The following GRK2 variants were observed in gnomAD, a reference collection of about 807,000 sequenced individuals.
The protein encoded by GRK2 is G protein-coupled receptor kinase 2.
A neutral mutation model predicts 97.8 loss-of-function variants in GRK2; 23 were observed. That is an observed-to-expected ratio of 0.24 (90% CI 0.17 to 0.33). GRK2 has a LOEUF of 0.33. Among genes scored for constraint, GRK2 ranks in the 10% least tolerant of loss-of-function variants. The pLI is 1.00. For synonymous variants in GRK2, 425 were observed against 381.7 expected (o/e 1.11, Z -1.32); for missense variants, 633 against 956.9 (o/e 0.66, Z 4.47).
chr11:67,281,935 G>A lies in GRK2; in HGVS notation c.940G>A (p.Val314Ile), dbSNP rs763883122. ...GLEHMHNRFV[V>I]YRDLKPANIL... is the part of the protein sequence containing the mutation. Reference sequence around the variant, plus strand: ...GGAGCACATGCACAACCGCTTCGTGGTCTACCGGGACCTGAAGGTGAGCGC... The same window carrying A: ...GGAGCACATGCACAACCGCTTCGTGATCTACCGGGACCTGAAGGTGAGCGC... Residue 314 changes from valine (V) to isoleucine (I), a missense_variant, in exon 11 of 21, where the codon GTC (valine) becomes ATC (isoleucine). Around this residue, in one of 4 missense-constraint regions of GRK2, gnomAD observed 192 missense variants for 362.3 expected, o/e 0.53. Coordinates refer to ENST00000308595, the MANE Select transcript of GRK2 (RefSeq NM_001619.5). This position sits in a 1 kb window ranked among gnomAD's most constrained non-coding sequence, Gnocchi z 5.7. The A allele has an allele frequency of 6.2e-7, 1 of 1,613,196 alleles. No individual in the cohort carries two copies. Among genetic ancestry groups the A allele is most frequent in the Non-Finnish European group, 8.5e-7 (1 of 1,179,934 alleles).
In GRK2 at chr11:67,281,308, C is replaced by G. The variant is rs1258386635; in HGVS notation, c.647+124C>G. ...GCACTCCTGTCTTGCCGTGCTGTTA[C>G]CCCCGCAGGCTCCTCTGGCCCCAGC... On this transcript the variant is annotated intron_variant, in intron 8 of 20. Transcript: ENST00000308595. The surrounding 1 kb of genome is among the most constrained non-coding windows in gnomAD (Gnocchi z 5.7). 2.8e-6 allele frequency: 3 copies of G among 1,069,946 alleles called. No homozygotes were observed. The highest frequency in any genetic ancestry group is 3.1e-5 in the African/African-American group (2 of 63,838). 66.3% of individuals were successfully genotyped at this position (1,069,946 alleles called of 1,614,324 possible).
rs1565063000 is a variant in GRK2, at chr11:67,272,979, G to A, written c.114-4293G>A. Among the ~76,000 whole-genome samples, 4 of 152,250 alleles carry A rather than the reference G, an allele frequency of 2.6e-5. 1 individual carries two copies. On this transcript the variant is annotated intron_variant, in intron 1 of 20. Transcript: ENST00000308595. ...GACTGTCGGTGAGCCGTGGGGCACT[G>A]AGAAATGGGGCTCTGGCGGCTCTCT...
At chr11:67,283,622 C>A (rs1860202418) in intron 15 of GRK2, 85 bp from the exon 16 acceptor site, 6 of 1,393,508 alleles carry the variant, frequency 4.3e-6, no homozygotes, top group Non-Finnish European at 6.0e-6. Context: ...TGCCCAAGTT[C>A]ACAGAGCCAG....
intron 15 of GRK2, 195 bp downstream of exon 15, chr11:67,283,423 G>A: frequency 3.2e-6 from 2 of 618,984 alleles, no homozygotes; most frequent in Middle Eastern, 4.3e-4. Context: ...GAACCAGCTA[G>A]TAACTGGCTT....
intron 1 of GRK2, 124 bp from the exon 2 acceptor site, chr11:67,277,148 A>G: frequency 2.4e-6 from 2 of 846,860 alleles, no homozygotes; most frequent in Non-Finnish European, 3.8e-6. Context: ...AGTAGGCCTG[A>G]CGGGCTGGCC....
rs1860270609 is a variant in GRK2, at chr11:67,285,922, G to A, written c.*472G>A. 1 of 222,702 alleles carries A rather than the reference G, an allele frequency of 4.5e-6. No individual in the cohort carries two copies. Among genetic ancestry groups the A allele is most frequent in the Non-Finnish European group, 8.9e-6 (1 of 112,438 alleles). 13.8% of individuals were successfully genotyped at this position (222,702 alleles called of 1,614,324 possible). ...CTGCTCCACAGTGTTGGCGAGAGGAGGGGCCCGTTGTCTCCCTGGCCCTCA... is the reference window on the plus strand; with the variant it reads ...CTGCTCCACAGTGTTGGCGAGAGGAAGGGCCCGTTGTCTCCCTGGCCCTCA... On this transcript the variant is annotated 3_prime_UTR_variant, in exon 21 of 21. Coordinates refer to ENST00000308595, the MANE Select transcript of GRK2 (RefSeq NM_001619.5).
chr11:67,279,323 G>T, intron 3 of GRK2, 50 bp downstream of exon 3: 1 of 1,610,544 alleles, frequency 6.2e-7, no homozygotes, highest in East Asian at 2.2e-5. Context: ...AGGGGAGGAG[G>T]TTGGGGCGGC....
rs1590848179 is a variant in GRK2, at chr11:67,274,524, C to CTTTTTTTTTTTTTTTTT, written c.114-2741_114-2740insTTTTTTTTTTTTTTTTT. ...TTTTTTTTTTTTTTTTTTTTTTTTG[C>CTTTTTTTTTTTTTTTTT]TTTTTTTCATCCCCTTCTGTGGACC... On this transcript the variant is annotated intron_variant, in intron 1 of 20. Coordinates refer to ENST00000308595, the MANE Select transcript of GRK2 (RefSeq NM_001619.5). Among the ~76,000 whole-genome samples, 469 of 54,934 alleles carry CTTTTTTTTTTTTTTTTT rather than the reference C, an allele frequency of 8.5e-3. 1 individual carries two copies. The highest frequency in any genetic ancestry group is 0.011 in the South Asian group (16 of 1,464). 36.0% of individuals were successfully genotyped at this position (54,934 alleles called of 152,430 possible). A position where few individuals can be genotyped will look rare whatever the true frequency, so the allele number is the denominator to read the frequency against.
At position 67,282,080 on chromosome 11, in the gene GRK2, G is replaced by C; in HGVS notation, c.957+128G>C. 1 of 1,333,570 alleles carries C rather than the reference G, an allele frequency of 7.5e-7. No homozygotes were observed. The highest frequency in any genetic ancestry group is 1.0e-6 in the Non-Finnish European group (1 of 967,590). The allele number at this position is 1,333,570 out of a possible 1,614,324, so 82.6% of individuals were successfully genotyped here. ...GGCCGCCCCGTATCTTCCCATCTCCGCCCCTGCCCTTCCCACCGAGCCACT... is the reference window on the plus strand; with the variant it reads ...GGCCGCCCCGTATCTTCCCATCTCCCCCCCTGCCCTTCCCACCGAGCCACT... On this transcript the variant is annotated intron_variant, in intron 11 of 20. Transcript: ENST00000308595. The surrounding 1 kb of genome is among the most constrained non-coding windows in gnomAD (Gnocchi z 6.9).
At position 67,274,495 on chromosome 11, in the gene GRK2, C is replaced by CTTTTTTTTTTTTTT. The variant is rs57767154; in HGVS notation, c.114-2763_114-2750dup. Among the ~76,000 whole-genome samples the CTTTTTTTTTTTTTT allele has an allele frequency of 2.1e-3, 47 of 22,476 alleles. 5 individuals are homozygous for CTTTTTTTTTTTTTT. The highest frequency in any genetic ancestry group is 8.1e-3 in the East Asian group (3 of 372). 14.7% of individuals were successfully genotyped at this position (22,476 alleles called of 152,430 possible). A position where few individuals can be genotyped will look rare whatever the true frequency, so the allele number is the denominator to read the frequency against. On this transcript the variant is annotated intron_variant, in intron 1 of 20. Coordinates refer to ENST00000308595, the MANE Select transcript of GRK2 (RefSeq NM_001619.5). ...TCGCTACCTTCCGCTTGACCAGCAC[C>CTTTTTTTTTTTTTT]TTTTTTTTTTTTTTTTTTTTTTTTT...
At chr11:67,279,167 C>T (rs755125906) in intron 2 of GRK2, 33 bp from the exon 3 acceptor site, 12 of 1,582,292 alleles carry the variant, frequency 7.6e-6, no homozygotes, top group Non-Finnish European at 9.5e-6. Flanking sequence ...CTGAGAGAGG[C>T]GTGGCTCTGT....
At position 67,269,044 on chromosome 11, in the gene GRK2, G is replaced by A. The variant is rs1177660553; in HGVS notation, c.113+2232G>A. ...TGTGAAACGGACTGGAGGTGCGAGC[G>A]CCGAATGTCAGTGCGCTAAGGCCTG... On this transcript the variant is annotated intron_variant, in intron 1 of 20. Transcript: ENST00000308595. This position sits in a 1 kb window ranked among gnomAD's most constrained non-coding sequence, Gnocchi z 4.1. Among the ~76,000 whole-genome samples, 1 of 152,232 alleles carries A rather than the reference G, an allele frequency of 6.6e-6. No individual in the cohort carries two copies. The highest frequency in any genetic ancestry group is 2.1e-4 in the South Asian group (1 of 4,834).
At position 67,285,107 on chromosome 11, in the gene GRK2, G is replaced by A. The variant is rs771260280; in HGVS notation, c.1824G>A (p.Ser608=). The A allele has an allele frequency of 5.6e-6, 9 of 1,613,528 alleles. No homozygotes were observed. The highest frequency in any genetic ancestry group is 3.3e-4 in the Middle Eastern group (2 of 6,062). ...TGCTGACCATGGAGGAGATCCAGTCGGTGGAGGAGACGCAGATCAAGGAGC... is the reference window on the plus strand; with the variant it reads ...TGCTGACCATGGAGGAGATCCAGTCAGTGGAGGAGACGCAGATCAAGGAGC... ...QSLLTMEEIQ[S]VEETQIKERK... The change falls in exon 20 of 21, where the codon TCG becomes TCA. Residue 608 remains serine (S), a synonymous_variant. Transcript: ENST00000308595.
At chr11:67,277,648 C>T (rs965754429) in intron 2 of GRK2, among the ~76,000 whole-genome samples, 1 of 152,206 alleles carries the variant, frequency 6.6e-6, no homozygotes, top group South Asian at 2.1e-4. Flanking sequence ...TTGGCGCGGC[C>T]GCAGCTGCTC....
In GRK2 at chr11:67,276,090, C is replaced by A. The variant is rs149033514; in HGVS notation, c.114-1182C>A. Among the ~76,000 whole-genome samples, 1 of 152,190 alleles carries A rather than the reference C, an allele frequency of 6.6e-6. No individual in the cohort carries two copies. The highest frequency in any genetic ancestry group is 1.9e-4 in the East Asian group (1 of 5,194). On this transcript the variant is annotated intron_variant, in intron 1 of 20. Transcript: ENST00000308595. This position sits in a 1 kb window ranked among gnomAD's most constrained non-coding sequence, Gnocchi z 4.2. The stretch of plus-strand genomic sequence containing the variant: ...GGCAAGCACAGAGAACCTGGACTTG[C>A]GGATCCAAATCTCCACCAGCTGCAG...
Position 67,285,298 on chromosome 11 carries a change from C to G in GRK2, c.1918C>G (p.Leu640Val). ...FILQCDSDPE[L>V]VQWKKELRDA... is the part of the protein sequence containing the mutation. Reference sequence around the variant, plus strand: ...TTGGCATGTGCAGAGCGACCCTGAGCTGGTGCAGTGGAAGAAGGAGCTGCG... The same window carrying G: ...TTGGCATGTGCAGAGCGACCCTGAGGTGGTGCAGTGGAAGAAGGAGCTGCG... Residue 640 changes from leucine (L) to valine (V), a missense_variant, in exon 21 of 21, where the codon CTG becomes GTG. By Grantham distance (32) the Leu-to-Val change is conservative. This residue lies in a region of GRK2 where 180 missense variants were observed against 311.3 expected (regional missense o/e 0.58). Transcript: ENST00000308595. 1.2e-5 allele frequency: 19 copies of G among 1,608,950 alleles called. No homozygotes were observed. The highest frequency in any genetic ancestry group is 1.6e-5 in the Non-Finnish European group (19 of 1,178,032).
At chr11:67,270,492 C>A (rs577758945) in intron 1 of GRK2, among the ~76,000 whole-genome samples, 2 of 152,270 alleles carry the variant, frequency 1.3e-5, no homozygotes, top group East Asian at 3.9e-4. Context: ...TAACTCTTCG[C>A]AGCCAGAACT....
intron 1 of GRK2, among the ~76,000 whole-genome samples, chr11:67,274,561 G>A (rs1859988280): frequency 8.3e-6 from 1 of 120,596 alleles, no homozygotes; most frequent in African/African-American, 3.1e-5. Context: ...AAATGTCCTG[G>A]CCCACCTCCC....
Position 67,279,617 on chromosome 11 carries a change from C to A in GRK2, c.367-9C>A, listed in dbSNP as rs1565066180. 6.2e-7 allele frequency: 1 copy of A among 1,613,424 alleles called. No homozygotes were observed. Among genetic ancestry groups the A allele is most frequent in the Non-Finnish European group, 8.5e-7 (1 of 1,179,966 alleles). On this transcript the variant is annotated splice_polypyrimidine_tract_variant and intron_variant, in intron 4 of 20. Transcript: ENST00000308595. ...GCTGAGAATTCATGGCCACCTCTGT[C>A]TTCCCCAGCCCTTCTCGAAGAGTGC...
Sources: gnomAD v4.1 joint callset for allele counts (sites outside exome capture counted in the v4.1 genomes callset) on GRCh38, gnomAD v4.1.1 for gene constraint, gnomAD v4.1.1 regional missense constraint, Gnocchi (gnomAD v3.1) non-coding constraint, MANE v1.5 for transcripts, NCBI Gene and HGNC (gene_info 2026-07-23, HGNC 2026-07-21) for gene names.